The following UST variants were observed in gnomAD, a reference collection of about 807,000 sequenced individuals.
UST encodes chondroitin sulfate 2-O-sulfotransferase.
In UST, 21 loss-of-function variants were observed where a neutral mutation model predicts 45.6. That is an observed-to-expected ratio of 0.46 (90% confidence interval 0.33 to 0.66). The LOEUF (loss-of-function observed/expected upper bound fraction) is 0.66. Ranked by LOEUF, UST falls within the 30% of genes least tolerant of loss-of-function variation. The pLI is 0.02. For missense variants in UST, 463 were observed against 512.4 expected, an observed-to-expected ratio of 0.90 and a Z score of 0.93; for synonymous variants, 215 against 200.6, an observed-to-expected ratio of 1.07 and a Z score of -0.61.
intron 1 of UST, among the ~76,000 whole-genome samples, chr6:148,854,268 G>T (rs1315311222): frequency 6.6e-6 from 1 of 152,208 alleles, no homozygotes; most frequent in Non-Finnish European, 1.5e-5. Flanking sequence ...TGGAATTGGG[G>T]CGTGGACTTG....
chr6:149,009,937 T>C (rs1433239510), intron 5 of UST, among the ~76,000 whole-genome samples: 2 of 151,866 alleles, frequency 1.3e-5, no homozygotes, highest in Non-Finnish European at 2.9e-5. Context: ...GAAAATCCTT[T>C]ATTCTACCAT....
chr6:149,066,466 G>T (rs780141918), intron 7 of UST, among the ~76,000 whole-genome samples: 4 of 152,060 alleles, frequency 2.6e-5, no homozygotes, highest in Non-Finnish European at 4.4e-5. Flanking sequence ...GGATGAGGGA[G>T]AGAAGGAAAC....
intron 2 of UST, among the ~76,000 whole-genome samples, chr6:148,913,757 A>G (rs1301718566): frequency 6.6e-6 from 1 of 152,184 alleles, no homozygotes; most frequent in African/African-American, 2.4e-5. Flanking sequence ...AAACCAAGGA[A>G]AAATATTAAG....
intron 5 of UST, chr6:148,990,539 T>C: frequency 2.1e-6 from 1 of 468,536 alleles, no homozygotes; most frequent in Non-Finnish European, 2.8e-6. Context: ...AGATTCATAT[T>C]TTCCATCTTA....
At chr6:148,824,343 G>A (rs1777527463) in intron 1 of UST, among the ~76,000 whole-genome samples, 1 of 152,228 alleles carries the variant, frequency 6.6e-6, no homozygotes, top group African/African-American at 2.4e-5. Context: ...AGGTGATTGT[G>A]CAGTATAGGT....
rs1015319930 is a variant in UST at position 148,915,333 on chromosome 6, C to T, written c.292-25946C>T. On this transcript the variant is annotated intron_variant, in intron 2 of 7. Coordinates refer to ENST00000367463, the MANE Select transcript of UST (RefSeq NM_005715.3). Reference sequence around the variant, plus strand: ...CAGTCATCCAGGAACCATATTTTTGCGTGTATGTCTTCCATGCTTAAGATT... The same window carrying T: ...CAGTCATCCAGGAACCATATTTTTGTGTGTATGTCTTCCATGCTTAAGATT... 2.0e-5 allele frequency among the ~76,000 whole-genome samples: 3 copies of T among 152,122 alleles called. 1 individual carries two copies. The South Asian group carries it at 6.2e-4, about 31-fold the overall frequency.
chr6:148,848,321 T>A (rs2114782183), intron 1 of UST, among the ~76,000 whole-genome samples: 1 of 152,246 alleles, frequency 6.6e-6, no homozygotes, highest in East Asian at 1.9e-4. Flanking sequence ...TAAAAAAAAA[T>A]TCAATGTTTT....
At chr6:149,031,535 C>G (rs182089337) in intron 7 of UST, among the ~76,000 whole-genome samples, 22 of 152,292 alleles carry the variant, frequency 1.4e-4, no homozygotes, top group African/African-American at 5.1e-4. Context: ...ACATGTTTTA[C>G]TCTTGCTTAC....
chr6:149,043,151 C>T (rs1448014313), intron 7 of UST, among the ~76,000 whole-genome samples: 1 of 151,132 alleles, frequency 6.6e-6, no homozygotes, highest in Non-Finnish European at 1.5e-5. Flanking sequence ...CTCTGTTACC[C>T]AGGCTAGAGT....
At chr6:148,896,153 T>C (rs1240041840) in intron 2 of UST, among the ~76,000 whole-genome samples, 1 of 152,232 alleles carries the variant, frequency 6.6e-6, no homozygotes, top group East Asian at 1.9e-4. Flanking sequence ...AAAGTCCCCA[T>C]TTCCCGGAGG....
At position 148,987,564 on chromosome 6, in the gene UST, C is replaced by T. The variant is rs139864948; in HGVS notation, c.681+23001C>T. ...TGAAGCTTCCTTCCAGATGAAAAAGCGGGTCTCTCATGAAAAGAACGCTTG... is the reference window on the plus strand; with the variant it reads ...TGAAGCTTCCTTCCAGATGAAAAAGTGGGTCTCTCATGAAAAGAACGCTTG... On this transcript the variant is annotated intron_variant, in intron 5 of 7. Transcript: ENST00000367463. 3.7e-3 allele frequency among the ~76,000 whole-genome samples: 561 copies of T among 152,238 alleles called. 6 individuals carry two copies. Among genetic ancestry groups the T allele is most frequent in the South Asian group, 0.014 (66 of 4,818 alleles).
At chr6:148,918,216 C>A (rs945385251) in intron 2 of UST, among the ~76,000 whole-genome samples, 3 of 152,226 alleles carry the variant, frequency 2.0e-5, no homozygotes, top group Admixed American at 6.5e-5. Flanking sequence ...ACTTTGGTTT[C>A]TCATTCAGAA....
chr6:148,993,795 G>A (rs148714482), intron 5 of UST, among the ~76,000 whole-genome samples: 2 of 152,090 alleles, frequency 1.3e-5, no homozygotes, highest in African/African-American at 4.8e-5. Context: ...GCCATGTGAT[G>A]TGGCTGCTCC....
intron 2 of UST, among the ~76,000 whole-genome samples, chr6:148,920,084 T>C (rs2114893735): frequency 6.6e-6 from 1 of 152,358 alleles, no homozygotes; most frequent in South Asian, 2.1e-4. Flanking sequence ...AAAAACTTGA[T>C]TCCTTACAGC....
chr6:148,800,877 C>G (rs983675196), intron 1 of UST, among the ~76,000 whole-genome samples: 5 of 149,008 alleles, frequency 3.4e-5, no homozygotes, highest in Middle Eastern at 3.6e-3. Context: ...GAAAACTATT[C>G]CACTTGCTTG....
In UST at chr6:148,900,311, G is replaced by T. The variant is rs78303432; in HGVS notation, c.291+13282G>T. On this transcript the variant is annotated intron_variant, in intron 2 of 7. Transcript: ENST00000367463. ...TTTCACTCTCTTCTGTATCGATATG[G>T]TTTGGCTGTGTCCCCACCTAGGTCT... is the stretch of plus-strand genomic sequence containing the variant. 9.0e-4 allele frequency among the ~76,000 whole-genome samples: 137 copies of T among 152,230 alleles called. 1 individual carries two copies. The East Asian group carries it at 0.018, about 20-fold the overall frequency.
chr6:148,850,742 G>A (rs1273874986), intron 1 of UST, among the ~76,000 whole-genome samples: 1 of 152,192 alleles, frequency 6.6e-6, no homozygotes, highest in African/African-American at 2.4e-5. Flanking sequence ...GGAAAGAGAT[G>A]AGCAGTTTCT....
At position 148,993,011 on chromosome 6, in the gene UST, G is replaced by C. The variant is rs960402123; in HGVS notation, c.682-26128G>C. 2.3e-5 allele frequency: 23 copies of C among 985,408 alleles called. No homozygotes were observed. The African/African-American group carries it at 3.8e-4, about 16-fold the overall frequency. The allele number at this position is 985,408 out of a possible 1,614,324, so 61.0% of individuals were successfully genotyped here. A position where few individuals can be genotyped will look rare whatever the true frequency, so the allele number is the denominator to read the frequency against. ...CCCTTTGGGCGGCTCAGCATTCAAG[G>C]CTAATAACCACTTGCTTCCTTCAAT... On this transcript the variant is annotated intron_variant, in intron 5 of 7. Coordinates refer to ENST00000367463, the MANE Select transcript of UST (RefSeq NM_005715.3).
intron 1 of UST, among the ~76,000 whole-genome samples, chr6:148,841,114 TAA>T (rs1222255195): frequency 2.0e-5 from 3 of 149,600 alleles, no homozygotes; most frequent in Admixed American, 2.0e-4. Context: ...TTTGATAGAT[TAA>T]AAAAAAAGAC....
Sources: gnomAD v4.1 joint callset for allele counts (sites outside exome capture counted in the v4.1 genomes callset) on GRCh38, gnomAD v4.1.1 for gene constraint, MANE v1.5 for transcripts, NCBI Gene and HGNC (gene_info 2026-07-23, HGNC 2026-07-21) for gene names.